The following SUGCT variants were observed in gnomAD, a reference collection of about 807,000 sequenced individuals.
SUGCT encodes succinyl-CoA:glutarate-CoA transferase.
Under a neutral mutation model 55.0 loss-of-function variants are expected in SUGCT, and 41 were observed. The ratio of observed to expected loss-of-function variants is 0.74; its 90% CI spans 0.58 to 0.97. The LOEUF is 0.97. SUGCT is among the 50% of genes least tolerant of loss of function. The pLI, the probability that SUGCT is intolerant of heterozygous loss-of-function variation, is 0.00. For missense variants in SUGCT, 568 were observed against 547.8 expected (o/e 1.04, Z -0.37); for synonymous variants, 187 against 200.4 (o/e 0.93, Z 0.56).
chr7:40,483,827 G>A (rs190669686), intron 11 of SUGCT, among the ~76,000 whole-genome samples: 9 of 152,184 alleles, frequency 5.9e-5, no homozygotes, highest in African/African-American at 1.7e-4. Context: ...TCCCTCTATC[G>A]GACAATAGCA....
intron 12 of SUGCT, among the ~76,000 whole-genome samples, chr7:40,708,593 G>A (rs769009777): frequency 6.6e-6 from 1 of 152,104 alleles, no homozygotes; most frequent in Non-Finnish European, 1.5e-5. Context: ...GGACCTGCAA[G>A]CACCTATGTG....
At chr7:40,933,796 G>A in the SUGCT span, among the ~76,000 whole-genome samples, 26 of 152,222 alleles carry the variant, frequency 1.7e-4, no homozygotes, top group Non-Finnish European at 3.5e-4. Flanking sequence ...GGTCATTTAA[G>A]GTCTTCTCTA....
chr7:40,985,237 T>C, the SUGCT span, among the ~76,000 whole-genome samples: 1 of 152,160 alleles, frequency 6.6e-6, no homozygotes, highest in African/African-American at 2.4e-5. Flanking sequence ...TCCTTTCTAG[T>C]GAGGAGCAGT....
At chr7:40,367,719 C>G (rs1194072351) in intron 9 of SUGCT, among the ~76,000 whole-genome samples, 4 of 152,164 alleles carry the variant, frequency 2.6e-5, no homozygotes, top group Non-Finnish European at 5.9e-5. Context: ...ATTTCCTCTT[C>G]TTTCCACCTC....
chr7:40,353,294 G>T (rs1797732023), intron 9 of SUGCT, among the ~76,000 whole-genome samples: 2 of 152,082 alleles, frequency 1.3e-5, no homozygotes, highest in Non-Finnish European at 1.5e-5. Flanking sequence ...TACGCAAAGG[G>T]TACTCATAGA....
intron 7 of SUGCT, among the ~76,000 whole-genome samples, chr7:40,265,783 T>C (rs971139320): frequency 1.3e-5 from 2 of 152,244 alleles, no homozygotes; most frequent in Admixed American, 6.5e-5. Context: ...AAACCCCGTC[T>C]CTACTAAAAG....
chr7:41,034,820 CCTTA>C, the SUGCT span, among the ~76,000 whole-genome samples: 1 of 152,268 alleles, frequency 6.6e-6, no homozygotes, highest in African/African-American at 2.4e-5. Flanking sequence ...AGAAGGCAAA[CCTTA>C]CTTCTTGTCT....
At chr7:40,879,801 T>G in the SUGCT span, among the ~76,000 whole-genome samples, 9 of 152,338 alleles carry the variant, frequency 5.9e-5, no homozygotes, top group Admixed American at 5.2e-4. Context: ...TCTCTCCATG[T>G]GTCTTGTTTT....
At chr7:40,414,873 T>A (rs944708630) in intron 9 of SUGCT, among the ~76,000 whole-genome samples, 9 of 151,866 alleles carry the variant, frequency 5.9e-5, no homozygotes, top group African/African-American at 2.2e-4. Context: ...TGAAATCCCG[T>A]CTCTACTACA....
chr7:40,585,468 G>A lies in SUGCT; in HGVS notation c.1089+89082G>A, dbSNP rs145723324. Among the ~76,000 whole-genome samples the A allele has an allele frequency of 3.3e-3, 510 of 152,244 alleles. 2 individuals are homozygous for A. Among genetic ancestry groups the A allele is most frequent in the African/African-American group, 0.012 (483 of 41,544 alleles). On this transcript the variant is annotated intron_variant, in intron 12 of 13. Transcript: ENST00000335693. ...ACACCTTTAGCTTGAGACAAATCTAGGAAGAACATCGTTTTGTGATTCTGT... is the reference window on the plus strand; with the variant it reads ...ACACCTTTAGCTTGAGACAAATCTAAGAAGAACATCGTTTTGTGATTCTGT...
At chr7:40,517,649 T>C (rs1380325165) in intron 12 of SUGCT, among the ~76,000 whole-genome samples, 1 of 152,110 alleles carries the variant, frequency 6.6e-6, no homozygotes, top group African/African-American at 2.4e-5. Context: ...CTAGTATTGA[T>C]GTTCTTATTG....
chr7:40,365,132 C>T (rs112337158), intron 9 of SUGCT, among the ~76,000 whole-genome samples: 1,859 of 152,104 alleles, frequency 0.012, 35 homozygotes, highest in African/African-American at 0.041. Context: ...AAATGTAATC[C>T]GGCATATAAA....
chr7:40,654,007 A>C (rs368234515), intron 12 of SUGCT, among the ~76,000 whole-genome samples: 5 of 152,112 alleles, frequency 3.3e-5, no homozygotes, highest in African/African-American at 1.2e-4. Flanking sequence ...AAAAAAAAAA[A>C]GGATACCAAA....
chr7:40,325,953 T>C (rs1796011492), intron 9 of SUGCT, among the ~76,000 whole-genome samples: 2 of 139,634 alleles, frequency 1.4e-5, no homozygotes, highest in Admixed American at 1.7e-4. Flanking sequence ...CTGTTTCCAT[T>C]ATCTCTTTAA....
chr7:40,315,287 G>A (rs1406686789), intron 8 of SUGCT, among the ~76,000 whole-genome samples: 2 of 152,224 alleles, frequency 1.3e-5, no homozygotes, highest in Non-Finnish European at 2.9e-5. Flanking sequence ...CCTATCCAGG[G>A]CATTTTTGCT....
At chr7:40,810,881 G>C (rs1791373233) in intron 13 of SUGCT, among the ~76,000 whole-genome samples, 1 of 152,008 alleles carries the variant, frequency 6.6e-6, no homozygotes, top group Admixed American at 6.6e-5. Flanking sequence ...TTGTAGGATT[G>C]TTATAGTATG....
chr7:40,909,709 C>T, the SUGCT span, among the ~76,000 whole-genome samples: 2 of 152,214 alleles, frequency 1.3e-5, no homozygotes, highest in East Asian at 1.9e-4. Context: ...ATTTCAACTA[C>T]TCCACTTGTC....
chr7:40,795,799 C>T (rs1314871424), intron 13 of SUGCT, among the ~76,000 whole-genome samples: 5 of 152,104 alleles, frequency 3.3e-5, no homozygotes, highest in Non-Finnish European at 4.4e-5. Flanking sequence ...CCCCCTATTA[C>T]GGAAAATGGA....
chr7:40,405,660 A>G (rs1197055484), intron 9 of SUGCT, among the ~76,000 whole-genome samples: 2 of 152,068 alleles, frequency 1.3e-5, no homozygotes, highest in Non-Finnish European at 2.9e-5. Flanking sequence ...AAATACAAAA[A>G]TTAGCCAGGC....
Sources: allele counts gnomAD v4.1 joint callset (sites outside exome capture counted in the v4.1 genomes callset), GRCh38; gene constraint gnomAD v4.1.1; transcripts MANE v1.5; gene names NCBI Gene and HGNC (gene_info 2026-07-23, HGNC 2026-07-21).